Variants in PRTG observed in about 807,000 individuals in gnomAD.
PRTG encodes the protein immunoglobulin superfamily, DCC subclass, member 5.
Under a neutral mutation model 122.5 loss-of-function variants are expected in PRTG, and 67 were observed. The ratio of observed to expected loss-of-function variants is 0.55; its 90% CI spans 0.45 to 0.67. The LOEUF (loss-of-function observed/expected upper bound fraction) is 0.67. Among genes scored for constraint, PRTG ranks in the 30% least tolerant of loss-of-function variants. The probability of loss-of-function intolerance (pLI) is 0.00; values close to 1 mark genes in which losing one functional copy is unlikely to be tolerated. For missense variants in PRTG, 1,435 were observed against 1,415.4 expected, an observed-to-expected ratio of 1.01 and a Z score of -0.22; for synonymous variants, 554 against 501.1, an observed-to-expected ratio of 1.11 and a Z score of -1.41.
At chr15:55,621,267 C>G (rs1306896492) in intron 18 of PRTG, among the ~76,000 whole-genome samples, 1 of 152,070 alleles carries the variant, frequency 6.6e-6, no homozygotes, top group Non-Finnish European at 1.5e-5. Flanking sequence ...CAGAGAACTG[C>G]TTGAACCCAG....
rs142861444 is a variant in PRTG at position 55,719,827 on chromosome 15, G to C, written c.397+20555C>G. Reference sequence around the variant, plus strand: ...TAAACCCAGCACTTTCGGAGGTCGAGGTGGGCAGATCACCTGAGGTCAGGA... The same window carrying C: ...TAAACCCAGCACTTTCGGAGGTCGACGTGGGCAGATCACCTGAGGTCAGGA... On this transcript the variant is annotated intron_variant, in intron 2 of 19. Coordinates refer to ENST00000389286, the MANE Select transcript of PRTG (RefSeq NM_173814.6). Among the ~76,000 whole-genome samples, 23 of 152,226 alleles carry C rather than the reference G, an allele frequency of 1.5e-4. No homozygotes were observed. The East Asian group carries it at 4.1e-3, about 27-fold the overall frequency.
chr15:55,742,838 C>A lies in PRTG; in HGVS notation c.94G>T (p.Gly32Ter). 2 of 1,541,906 alleles carry A rather than the reference C, an allele frequency of 1.3e-6. No homozygotes were observed. The highest frequency in any genetic ancestry group is 1.8e-6 in the Non-Finnish European group (2 of 1,142,672). The change falls in exon 1 of 20, where the codon GGA (glycine) becomes TGA (stop). Residue 32 changes from glycine (G) to a stop codon, truncating the protein, a stop_gained and splice_region_variant. Coordinates refer to ENST00000389286, the MANE Select transcript of PRTG (RefSeq NM_173814.6). LOFTEE classifies it high-confidence loss of function. ...AGAAAGCAGAAGAAAGCGCGCCCACCTGGCAAAGGACTGAGCAGCAGCAGG... is the reference window on the plus strand; with the variant it reads ...AGAAAGCAGAAGAAAGCGCGCCCACATGGCAAAGGACTGAGCAGCAGCAGG... Reference protein sequence around the residue: ...LLLLLLSPLPGVWCFSELSFV... With the variant: ...LLLLLLSPLP
rs2059150049 is a variant in PRTG, at chr15:55,618,446, A to G, written c.*1566T>C. The G allele has an allele frequency of 6.6e-6, 1 of 152,126 alleles. No individual in the cohort carries two copies. Among genetic ancestry groups the G allele is most frequent in the South Asian group, 2.1e-4 (1 of 4,834 alleles). 9.4% of individuals were successfully genotyped at this position (152,126 alleles called of 1,614,324 possible). ...TTTGAAAAAATACTTTTAAAAGGAT[A>G]TGGGACCCCTTCTCTACACGCGTTT... On this transcript the variant is annotated 3_prime_UTR_variant, in exon 20 of 20. Transcript: ENST00000389286.
intron 7 of PRTG, among the ~76,000 whole-genome samples, 186 bp downstream of exon 7, chr15:55,679,100 A>G (rs2059521475): frequency 1.3e-5 from 2 of 152,210 alleles, no homozygotes; most frequent in Non-Finnish European, 2.9e-5. Context: ...TAAAATACCA[A>G]TGAGTATTTA....
chr15:55,667,240 T>C (rs2059443952), intron 11 of PRTG, among the ~76,000 whole-genome samples: 1 of 151,964 alleles, frequency 6.6e-6, no homozygotes, highest in African/African-American at 2.4e-5. Context: ...TGCACTGTAA[T>C]TCTTATATAG....
intron 2 of PRTG, among the ~76,000 whole-genome samples, chr15:55,725,011 A>G (rs573319543): frequency 2.6e-5 from 4 of 152,354 alleles, no homozygotes; most frequent in Admixed American, 6.5e-5. Flanking sequence ...CTATGTAGGC[A>G]ACTAGAAAAG....
At chr15:55,715,870 T>C (rs1275539420) in intron 2 of PRTG, among the ~76,000 whole-genome samples, 1 of 152,200 alleles carries the variant, frequency 6.6e-6, no homozygotes, top group African/African-American at 2.4e-5. Context: ...TGATAAGACA[T>C]TTGGATAAAC....
At chr15:55,736,210 G>C (rs1170434961) in intron 2 of PRTG, among the ~76,000 whole-genome samples, 28 of 152,094 alleles carry the variant, frequency 1.8e-4, no homozygotes, top group African/African-American at 6.5e-4. Flanking sequence ...CAAGTGAATA[G>C]GCACGCAGGT....
chr15:55,720,135 T>G (rs1451698302), intron 2 of PRTG, among the ~76,000 whole-genome samples: 1 of 151,522 alleles, frequency 6.6e-6, no homozygotes, highest in Non-Finnish European at 1.5e-5. Flanking sequence ...TCCCAGCACT[T>G]TGGGAGGCCG....
At chr15:55,728,011 T>G (rs1463851578) in intron 2 of PRTG, among the ~76,000 whole-genome samples, 3 of 151,972 alleles carry the variant, frequency 2.0e-5, no homozygotes, top group Non-Finnish European at 2.9e-5. Flanking sequence ...ACTATAGGTG[T>G]GTCCCACCAT....
At position 55,625,744 on chromosome 15, in the gene PRTG, C is replaced by T. The variant is rs2059191200; in HGVS notation, c.2928-1237G>A. On this transcript the variant is annotated intron_variant, in intron 17 of 19. Transcript: ENST00000389286. ...GTTCATGCCATTCTCCTGCCTCAGCCTCCCGAGTAGCTGGGATTATAGGCG... is the reference window on the plus strand; with the variant it reads ...GTTCATGCCATTCTCCTGCCTCAGCTTCCCGAGTAGCTGGGATTATAGGCG... Among the ~76,000 whole-genome samples, 6 of 152,132 alleles carry T rather than the reference C, an allele frequency of 3.9e-5. No homozygotes were observed. In the South Asian group the frequency reaches 1.2e-3, roughly 32 times the overall value.
chr15:55,724,107 T>C (rs1162957919), intron 2 of PRTG, among the ~76,000 whole-genome samples: 1 of 152,208 alleles, frequency 6.6e-6, no homozygotes, highest in Non-Finnish European at 1.5e-5. Flanking sequence ...ATGTGTTCTA[T>C]TCCGGAGAAC....
chr15:55,683,113 T>C (rs774326827), intron 3 of PRTG, among the ~76,000 whole-genome samples: 1 of 152,144 alleles, frequency 6.6e-6, no homozygotes, highest in Non-Finnish European at 1.5e-5. Context: ...TAGAGTTTAG[T>C]ATAATTTTTT....
Position 55,680,463 on chromosome 15 carries a change from T to C in PRTG, c.814+28A>G, listed in dbSNP as rs1204915161. The C allele has an allele frequency of 9.6e-6, 4 of 418,290 alleles. No homozygotes were observed. In the East Asian group the frequency reaches 2.6e-4, roughly 27 times the overall value. The allele number at this position is 418,290 out of a possible 1,614,324, so 25.9% of individuals were successfully genotyped here. A position where few individuals can be genotyped will look rare whatever the true frequency, so the allele number is the denominator to read the frequency against. ...AATGAACAAAATTTAAGGAAAAGACTTTTTTTTTTTTTCCTGAGAAGACTT... is the reference window on the plus strand; with the variant it reads ...AATGAACAAAATTTAAGGAAAAGACCTTTTTTTTTTTTCCTGAGAAGACTT... On this transcript the variant is annotated intron_variant, in intron 5 of 19. Coordinates refer to ENST00000389286, the MANE Select transcript of PRTG (RefSeq NM_173814.6).
chr15:55,682,643 G>C (rs1595647469), intron 3 of PRTG, 146 bp from the exon 4 acceptor site: 1 of 290,568 alleles, frequency 3.4e-6, no homozygotes, highest in Non-Finnish European at 5.7e-6. Context: ...CAGCTCACTG[G>C]AACGTCTGTC....
At chr15:55,737,834 A>T (rs1357901296) in intron 2 of PRTG, among the ~76,000 whole-genome samples, 1 of 151,770 alleles carries the variant, frequency 6.6e-6, no homozygotes, top group Non-Finnish European at 1.5e-5. Flanking sequence ...GTGCTTCTGT[A>T]CAACCAAAAA....
intron 14 of PRTG, 37 bp from the exon 15 acceptor site, chr15:55,637,377 A>T (rs2059263811): frequency 6.8e-7 from 1 of 1,476,054 alleles, no homozygotes. Flanking sequence ...TTAATATAGT[A>T]AAATGGTTCA....
chr15:55,709,937 C>A (rs1173727431), intron 2 of PRTG, among the ~76,000 whole-genome samples: 8 of 152,032 alleles, frequency 5.3e-5, no homozygotes, highest in Non-Finnish European at 1.2e-4. Flanking sequence ...TTCATTGGTA[C>A]ACATATAGGT....
Position 55,708,996 on chromosome 15 carries a change from A to G in PRTG, c.398-25065T>C, listed in dbSNP as rs8039107. Among the ~76,000 whole-genome samples the G allele has an allele frequency of 3.2e-3, 486 of 151,586 alleles. 1 individual carries two copies. The highest frequency in any genetic ancestry group is 0.011 in the African/African-American group (462 of 41,330). On this transcript the variant is annotated intron_variant, in intron 2 of 19. Transcript: ENST00000389286. ...GCCGTCTCTATTAAAAATACAAAAC[A>G]TTAGCTTGGTGTGGTGGTGCGTGCA... is the stretch of plus-strand genomic sequence containing the variant.
Sources: allele counts gnomAD v4.1 joint callset (sites outside exome capture counted in the v4.1 genomes callset), GRCh38; gene constraint gnomAD v4.1.1; transcripts MANE v1.5; gene names NCBI Gene and HGNC (gene_info 2026-07-23, HGNC 2026-07-21).